Variants in BRD10 observed in about 807,000 individuals in gnomAD.
BRD10 encodes uncharacterized bromodomain-containing protein 10.
chr9:5,910,128 A>C, the BRD10 span: 12 of 152,374 alleles, frequency 7.9e-5, no homozygotes, highest in African/African-American at 2.9e-4. Flanking sequence ...GGATCAGAGA[A>C]AAGTTAAAGG....
chr9:5,988,586 G>A, the BRD10 span: 12 of 1,495,480 alleles, frequency 8.0e-6, no homozygotes, highest in African/African-American at 1.7e-4. Flanking sequence ...CAAATCTTCT[G>A]GATAAGCAAT....
chr9:5,908,881 G>T, the BRD10 span: 50 of 584,578 alleles, frequency 8.6e-5, no homozygotes, highest in Admixed American at 1.3e-4. Context: ...CTAATCATGT[G>T]AGGAAATGAT....
the BRD10 span, among the ~76,000 whole-genome samples, chr9:5,896,654 T>G: frequency 5.9e-5 from 9 of 152,238 alleles, no homozygotes; most frequent in Non-Finnish European, 1.2e-4. Context: ...CTGTCGATTT[T>G]GATCATGCTG....
the BRD10 span, among the ~76,000 whole-genome samples, chr9:5,970,709 T>C: frequency 6.6e-6 from 1 of 152,112 alleles, no homozygotes; most frequent in Non-Finnish European, 1.5e-5. Context: ...ATATAGAATA[T>C]ATAATAGATA....
the BRD10 span, among the ~76,000 whole-genome samples, chr9:5,976,924 A>G: frequency 6.6e-6 from 1 of 152,204 alleles, no homozygotes; most frequent in African/African-American, 2.4e-5. Context: ...AATGAAAGGG[A>G]AAGTTGGAGT....
At chr9:5,960,152 C>G in the BRD10 span, among the ~76,000 whole-genome samples, 1 of 152,174 alleles carries the variant, frequency 6.6e-6, no homozygotes, top group African/African-American at 2.4e-5. Flanking sequence ...CTATTATTCA[C>G]TTGAGGTCAC....
chr9:6,008,197 G>A, the BRD10 span: 3 of 973,872 alleles, frequency 3.1e-6, no homozygotes, highest in Non-Finnish European at 2.4e-6. Context: ...GAGGAAGGGG[G>A]TTCTCCTCTC....
the BRD10 span, among the ~76,000 whole-genome samples, chr9:5,994,070 A>T: frequency 3.9e-5 from 6 of 152,188 alleles, no homozygotes; most frequent in African/African-American, 1.4e-4. Flanking sequence ...CCTAACTTAA[A>T]ACAAGCCTTT....
the BRD10 span, chr9:5,968,393 A>G: frequency 6.2e-7 from 1 of 1,612,018 alleles, no homozygotes; most frequent in Non-Finnish European, 8.5e-7. Context: ...CTGATTTTCT[A>G]TAAACCTTAT....
chr9:5,943,369 G>A, the BRD10 span, among the ~76,000 whole-genome samples: 1 of 152,008 alleles, frequency 6.6e-6, no homozygotes, highest in East Asian at 1.9e-4. Context: ...ATAAATAAAA[G>A]TTATGTTTAA....
chr9:5,997,645 T>C, the BRD10 span, among the ~76,000 whole-genome samples: 1 of 152,104 alleles, frequency 6.6e-6, no homozygotes, highest in Admixed American at 6.5e-5. Context: ...TAATTCAAAA[T>C]AATGGAGAAA....
the BRD10 span, among the ~76,000 whole-genome samples, chr9:5,988,747 C>G: frequency 6.6e-6 from 1 of 151,532 alleles, no homozygotes; most frequent in Admixed American, 6.6e-5. Flanking sequence ...CAGTCTCTTC[C>G]CTGCATTAAA....
At chr9:5,966,300 A>G in the BRD10 span, among the ~76,000 whole-genome samples, 3 of 152,078 alleles carry the variant, frequency 2.0e-5, no homozygotes, top group Non-Finnish European at 2.9e-5. Context: ...TGTCTATTTT[A>G]TAAACCACTT....
At chr9:5,951,892 T>C in the BRD10 span, among the ~76,000 whole-genome samples, 1 of 152,160 alleles carries the variant, frequency 6.6e-6, no homozygotes, top group East Asian at 1.9e-4. Context: ...AAACTAGGCA[T>C]AAGAACCACT....
chr9:5,974,481 T>A, the BRD10 span, among the ~76,000 whole-genome samples: 2 of 152,112 alleles, frequency 1.3e-5, no homozygotes, highest in African/African-American at 4.8e-5. Context: ...CATGACACAT[T>A]AGAAAGAGAT....
the BRD10 span, among the ~76,000 whole-genome samples, chr9:5,983,912 G>T: frequency 2.5e-4 from 38 of 149,434 alleles, no homozygotes; most frequent in East Asian, 2.0e-4. Flanking sequence ...CATACTTAAA[G>T]TGCTGATAGG....
chr9:5,976,026 G>A, the BRD10 span, among the ~76,000 whole-genome samples: 3 of 152,094 alleles, frequency 2.0e-5, no homozygotes, highest in Non-Finnish European at 4.4e-5. Context: ...GAAAAATCAA[G>A]AAATAGCAAC....
chr9:5,879,632 C>T, the BRD10 span, among the ~76,000 whole-genome samples: 2 of 152,138 alleles, frequency 1.3e-5, no homozygotes, highest in East Asian at 3.9e-4. Flanking sequence ...TGCTTGGGCC[C>T]TTGAAGCTTC....
At chr9:5,942,412 A>G in the BRD10 span, among the ~76,000 whole-genome samples, 1 of 152,218 alleles carries the variant, frequency 6.6e-6, no homozygotes, top group Non-Finnish European at 1.5e-5. Context: ...CATACATAAC[A>G]TATAACATAA....
Sources: allele counts gnomAD v4.1 joint callset (sites outside exome capture counted in the v4.1 genomes callset), GRCh38; gene constraint gnomAD v4.1.1; transcripts MANE v1.5; gene names NCBI Gene and HGNC (gene_info 2026-07-23, HGNC 2026-07-21).